The following OAS1 variants were observed in gnomAD, a reference collection of about 807,000 sequenced individuals.
OAS1 encodes the protein 2'-5'-oligoadenylate synthase 1.
In OAS1, 24 loss-of-function variants were observed where a neutral mutation model predicts 38.5. The ratio of observed to expected loss-of-function variants is 0.62; its 90% CI spans 0.45 to 0.88. OAS1 has a LOEUF of 0.88. Among genes scored for constraint, OAS1 ranks in the 40% least tolerant of loss-of-function variants. OAS1 has a pLI of 0.00. For missense variants in OAS1, 482 were observed against 493.9 expected, an observed-to-expected ratio of 0.98 and a Z score of 0.23; for synonymous variants, 169 against 193.9, an observed-to-expected ratio of 0.87 and a Z score of 1.07.
intron 6 of OAS1, among the ~76,000 whole-genome samples, chr12:112,927,569 G>T (rs2043567564): frequency 6.6e-6 from 1 of 152,170 alleles, no homozygotes; most frequent in Non-Finnish European, 1.5e-5. Flanking sequence ...TCTCCCACAT[G>T]ACAGCTTTGT....
intron 5 of OAS1, chr12:112,918,048 A>T (rs997421628): frequency 2.1e-4 from 143 of 666,254 alleles, no homozygotes; most frequent in African/African-American, 7.2e-4. Context: ...ATTTTTAAAA[A>T]TTTTTTATTA....
At chr12:112,924,027 A>C (rs2043545525), downstream of OAS1, among the ~76,000 whole-genome samples, 1 of 152,220 alleles carries the variant, frequency 6.6e-6, no homozygotes, top group African/African-American at 2.4e-5. Flanking sequence ...GTGACACCAA[A>C]AGCACAGACA....
intron 6 of OAS1, among the ~76,000 whole-genome samples, chr12:112,930,216 G>T (rs538896496): frequency 3.3e-5 from 5 of 152,162 alleles, no homozygotes; most frequent in African/African-American, 1.2e-4. Context: ...GCCTCCTGAG[G>T]CCTCCCCAGA....
chr12:112,909,064 G>C (rs975794978), intron 2 of OAS1: 1 of 456,126 alleles, frequency 2.2e-6, no homozygotes, highest in Non-Finnish European at 3.8e-6. Context: ...AAGGCTTACT[G>C]GTTCTGTTTA....
intron 3 of OAS1, among the ~76,000 whole-genome samples, chr12:112,911,507 T>C (rs1348585700): frequency 2.0e-5 from 3 of 152,106 alleles, no homozygotes; most frequent in African/African-American, 7.2e-5. Context: ...TGGTGCATAA[T>C]AGGTGTAAAT....
At chr12:112,913,548 CT>C (rs764498722) in intron 3 of OAS1, among the ~76,000 whole-genome samples, 1 of 152,080 alleles carries the variant, frequency 6.6e-6, no homozygotes, top group Non-Finnish European at 1.5e-5. Context: ...ATCCTTTTGT[CT>C]ATTTTTCCAT....
chr12:112,912,935 G>T (rs1261400282), intron 3 of OAS1, among the ~76,000 whole-genome samples: 1 of 152,104 alleles, frequency 6.6e-6, no homozygotes, highest in Non-Finnish European at 1.5e-5. Flanking sequence ...TTGTTTTATA[G>T]CCAAATGTTT....
At position 112,914,730 on chromosome 12, in the gene OAS1, GTT is replaced by G. The variant is rs60578734; in HGVS notation, c.655-1762_655-1761del. On this transcript the variant is annotated intron_variant, in intron 3 of 5. Coordinates refer to ENST00000202917, the MANE Select transcript of OAS1 (RefSeq NM_016816.4). ...TTTTTCCATATGCTTGTTGGTATTT[GTT>G]TTTTTTTTTTTTTTTTCATTATTAT... 7.3e-3 allele frequency among the ~76,000 whole-genome samples: 870 copies of G among 118,490 alleles called. 10 individuals carry two copies. The highest frequency in any genetic ancestry group is 0.018 in the African/African-American group (594 of 33,040). 77.7% of individuals were successfully genotyped at this position (118,490 alleles called of 152,430 possible).
chr12:112,919,515 C>G lies in OAS1; in HGVS notation c.1165C>G (p.Pro389Ala). The G allele has an allele frequency of 6.2e-7, 1 of 1,614,212 alleles. No individual in the cohort carries two copies. Among genetic ancestry groups the G allele is most frequent in the South Asian group, 1.1e-5 (1 of 91,080 alleles). Residue 389 changes from proline to alanine, a missense_variant, in exon 6 of 6, where the codon CCA (proline) becomes GCA (alanine). Coordinates refer to ENST00000202917, the MANE Select transcript of OAS1 (RefSeq NM_016816.4). ...CAGCACACTCCAGGCAGCATCCACCCCACAGGCAGAAGAGGACTGGACCTG... is the reference window on the plus strand; with the variant it reads ...CAGCACACTCCAGGCAGCATCCACCGCACAGGCAGAAGAGGACTGGACCTG... ...RPSTLQAAST[P>A]QAEEDWTCTI... is the part of the protein sequence containing the mutation.
intron 6 of OAS1, among the ~76,000 whole-genome samples, chr12:112,926,999 G>A (rs980703002): frequency 1.3e-5 from 2 of 152,178 alleles, no homozygotes; most frequent in Admixed American, 6.5e-5. Flanking sequence ...AGAGAAATAT[G>A]GCTCTGTCTT....
chr12:112,910,982 T>TC, intron 2 of OAS1, 69 bp from the exon 3 acceptor site: 1 of 1,427,884 alleles, frequency 7.0e-7, no homozygotes. Flanking sequence ...AGGGAGATTG[T>TC]CCCCTCAGAG....
intron 5 of OAS1, chr12:112,918,410 A>T (rs762924913): frequency 6.6e-5 from 19 of 285,966 alleles, no homozygotes; most frequent in Admixed American, 2.1e-4. Flanking sequence ...ACTTAAGTTG[A>T]TTCCATGACT....
At position 112,906,968 on chromosome 12, in the gene OAS1, A is replaced by C. The variant is rs2043302035; in HGVS notation, c.-72A>C. On this transcript the variant is annotated 5_prime_UTR_variant, in exon 1 of 6. Transcript: ENST00000202917. Reference sequence around the variant, plus strand: ...AGGAAACGAAACCAACAGCAGTCCAAGCTCAGTCAGCAGAAGAGATAAAAG... The same window carrying C: ...AGGAAACGAAACCAACAGCAGTCCACGCTCAGTCAGCAGAAGAGATAAAAG... 6.5e-7 allele frequency: 1 copy of C among 1,537,256 alleles called. No individual in the cohort carries two copies. The highest frequency in any genetic ancestry group is 9.0e-7 in the Non-Finnish European group (1 of 1,116,050).
rs2043485553 is a variant in OAS1 at position 112,917,868 on chromosome 12, A to G, written c.1038+168A>G. On this transcript the variant is annotated intron_variant, in intron 5 of 5. Transcript: ENST00000202917. ...ATATTTTACAGTCATTTTGGTCACA[A>G]TCGAGGGTTTCTGGAATTTTCACAT... is the stretch of plus-strand genomic sequence containing the variant. The G allele has an allele frequency of 6.6e-6, 10 of 1,504,080 alleles. No homozygotes were observed. In the South Asian group the frequency reaches 7.9e-5, roughly 12 times the overall value. 93.2% of individuals were successfully genotyped at this position (1,504,080 alleles called of 1,614,324 possible). A position where few individuals can be genotyped will look rare whatever the true frequency, so the allele number is the denominator to read the frequency against.
intron 1 of OAS1, chr12:112,907,853 G>C (rs1369230549): frequency 6.6e-6 from 1 of 152,418 alleles, no homozygotes; most frequent in Non-Finnish European, 1.5e-5. Flanking sequence ...CTGTGGAGAG[G>C]GAAGTCTGAG....
At chr12:112,927,507 G>A (rs1234058652) in intron 6 of OAS1, among the ~76,000 whole-genome samples, 1 of 152,144 alleles carries the variant, frequency 6.6e-6, no homozygotes, top group Admixed American at 6.5e-5. Flanking sequence ...TTGGCCATAG[G>A]AGACTTCTAT....
At position 112,927,548 on chromosome 12, in the gene OAS1, G is replaced by A. The variant is rs910698089; in HGVS notation, c.1168-4330G>A. Among the ~76,000 whole-genome samples the A allele has an allele frequency of 4.6e-5, 7 of 152,116 alleles. No homozygotes were observed. In the East Asian group the frequency reaches 5.8e-4, roughly 13 times the overall value. On this transcript the variant is annotated intron_variant, in intron 6 of 6. Coordinates refer to the OAS1 transcript ENST00000540589. ...ATCTTTGTTCTCTCCCACAAATGGC[G>A]AGGCCTCCAGTCTCCCACATGACAG...
chr12:112,912,046 A>C (rs537933975), intron 3 of OAS1, among the ~76,000 whole-genome samples: 15 of 152,210 alleles, frequency 9.9e-5, no homozygotes, highest in South Asian at 8.3e-4. Flanking sequence ...CAGAAGTAAA[A>C]TTTGAATTTG....
chr12:112,908,333 T>C (rs2043323430), intron 1 of OAS1, among the ~76,000 whole-genome samples: 1 of 152,178 alleles, frequency 6.6e-6, no homozygotes, highest in Non-Finnish European at 1.5e-5. Flanking sequence ...TCACTGAGCA[T>C]CCATTTTCCC....
Sources: allele counts gnomAD v4.1 joint callset (sites outside exome capture counted in the v4.1 genomes callset), GRCh38; gene constraint gnomAD v4.1.1; transcripts MANE v1.5; gene names NCBI Gene and HGNC (gene_info 2026-07-23, HGNC 2026-07-21).